FLVCR1: variants seen among roughly 807,000 people sequenced by gnomAD.
FLVCR1 encodes the protein choline/ethanolamine transporter FLVCR1.
FLVCR1 carries 34 observed loss-of-function variants against 53.6 expected under a neutral mutation model. The ratio of observed to expected loss-of-function variants is 0.63; its 90% CI spans 0.48 to 0.84. The LOEUF (loss-of-function observed/expected upper bound fraction) is 0.84. Ranked by LOEUF, FLVCR1 falls within the 40% of genes least tolerant of loss-of-function variation. FLVCR1 has a pLI of 0.00. For missense variants in FLVCR1, 677 were observed against 696.7 expected (o/e 0.97, Z 0.32); for synonymous variants, 300 against 286.3 (o/e 1.05, Z -0.48).
At chr1:212,879,974 AT>A (rs34468539) in intron 3 of FLVCR1, among the ~76,000 whole-genome samples, 70,145 of 148,864 alleles carry the variant, frequency 0.47, 17,356 homozygotes, top group East Asian at 0.56. Context: ...ATAACATAGT[AT>A]TTTTTTTTTT....
rs41301007 is a variant in FLVCR1 at position 212,890,618 on chromosome 1, G to A, written c.1525+1361G>A. On this transcript the variant is annotated intron_variant, in intron 8 of 9. Coordinates refer to ENST00000366971, the MANE Select transcript of FLVCR1 (RefSeq NM_014053.4). The stretch of plus-strand genomic sequence containing the variant: ...TTTCATATAAAGGCCTTGAGCATTC[G>A]TGGATTTTGGTATCTGAGGTGGGGT... Among the ~76,000 whole-genome samples the A allele has an allele frequency of 3.9e-3, 594 of 152,256 alleles. 9 individuals are homozygous for A. Among genetic ancestry groups the A allele is most frequent in the African/African-American group, 0.014 (568 of 41,552 alleles).
At chr1:212,877,795 T>C (rs912786874) in intron 3 of FLVCR1, among the ~76,000 whole-genome samples, 1 of 151,036 alleles carries the variant, frequency 6.6e-6, no homozygotes, top group African/African-American at 2.4e-5. Context: ...ATAGCAAATA[T>C]TATACTAAAG....
chr1:212,885,430 C>A, intron 5 of FLVCR1, 34 bp downstream of exon 5: 9 of 1,464,014 alleles, frequency 6.1e-6, no homozygotes, highest in Non-Finnish European at 8.6e-6. Context: ...TGGTGTATAA[C>A]CAAAGGTATT....
At chr1:212,871,527 T>G (rs573466382) in intron 2 of FLVCR1, among the ~76,000 whole-genome samples, 1 of 152,220 alleles carries the variant, frequency 6.6e-6, no homozygotes, top group Non-Finnish European at 1.5e-5. Flanking sequence ...AGCGATCCTC[T>G]CGCTTCAGCC....
At chr1:212,866,585 A>C (rs577007578) in intron 2 of FLVCR1, among the ~76,000 whole-genome samples, 152 of 152,226 alleles carry the variant, frequency 1.0e-3, no homozygotes, top group African/African-American at 3.3e-3. Flanking sequence ...GTGTATGTTT[A>C]AACTGCTACA....
At chr1:212,886,814 A>T (rs1665077798) in intron 5 of FLVCR1, among the ~76,000 whole-genome samples, 1 of 152,152 alleles carries the variant, frequency 6.6e-6, no homozygotes, top group Non-Finnish European at 1.5e-5. Context: ...AAAATAAAAA[A>T]AAAAGAATAT....
intron 8 of FLVCR1, among the ~76,000 whole-genome samples, chr1:212,892,702 G>A (rs1439484050): frequency 6.6e-6 from 1 of 152,122 alleles, no homozygotes; most frequent in Non-Finnish European, 1.5e-5. Context: ...CAACTTTCAA[G>A]TCTTATTCTT....
At chr1:212,875,796 G>A (rs1319074964) in intron 3 of FLVCR1, among the ~76,000 whole-genome samples, 4 of 151,024 alleles carry the variant, frequency 2.6e-5, no homozygotes, top group African/African-American at 7.3e-5. Flanking sequence ...AGCTGAGATC[G>A]TGCCACTGCA....
intron 2 of FLVCR1, chr1:212,864,343 A>G (rs41258005): frequency 0.023 from 4,488 of 197,710 alleles, 84 homozygotes; most frequent in South Asian, 0.036. Context: ...CCTGGGCAGC[A>G]GCAAGCTGTT....
Position 212,895,220 on chromosome 1 carries a change from C to T in FLVCR1, c.1598C>T (p.Pro533Leu). The change falls in exon 10 of 10, where the codon CCA becomes CTA. Residue 533 changes from proline (P) to leucine (L), a missense_variant. Physicochemically the swap from Pro to Leu is moderately conservative, Grantham distance 98. Transcript: ENST00000366971. ...GITNVDVKAI[P>L]ADSPTDQEPK... ...ATCTTCTGATTGTTTTTATAGATAC[C>T]AGCTGACAGTCCCACAGACCAAGAA... 1 of 1,609,432 alleles carries T rather than the reference C, an allele frequency of 6.2e-7. No homozygotes were observed. The highest frequency in any genetic ancestry group is 8.5e-7 in the Non-Finnish European group (1 of 1,176,068).
rs1665380555 is a variant in FLVCR1, at chr1:212,897,787, C to G, written c.*2497C>G. On this transcript the variant is annotated 3_prime_UTR_variant, in exon 10 of 10. Transcript: ENST00000366971. ...CTCACTCATTACTGCAAGGACAGCACCAAGCCATGAGGGATCCACCCGCAG... is the reference window on the plus strand; with the variant it reads ...CTCACTCATTACTGCAAGGACAGCAGCAAGCCATGAGGGATCCACCCGCAG... The G allele has an allele frequency of 6.6e-6, 1 of 152,154 alleles. No homozygotes were observed. Among genetic ancestry groups the G allele is most frequent in the Non-Finnish European group, 1.5e-5 (1 of 68,040 alleles). 9.4% of individuals were successfully genotyped at this position (152,154 alleles called of 1,614,324 possible). A position where few individuals can be genotyped will look rare whatever the true frequency, so the allele number is the denominator to read the frequency against.
intron 3 of FLVCR1, among the ~76,000 whole-genome samples, chr1:212,874,526 CTTTTTTTT>C (rs61497441): frequency 9.1e-5 from 11 of 120,874 alleles, no homozygotes; most frequent in African/African-American, 3.2e-4. Flanking sequence ...TTCTTTTTTT[CTTTTTTTT>C]TTTTTTTTTT....
In FLVCR1 at chr1:212,863,649, T is replaced by G; in HGVS notation, c.739-76T>G. ...CCTTTATAAACACTAGCTGTCCTCT[T>G]TATGTTCTGTTAATTGCCAGCATTT... On this transcript the variant is annotated intron_variant, in intron 1 of 9. Transcript: ENST00000366971. 7 of 1,296,316 alleles carry G rather than the reference T, an allele frequency of 5.4e-6. No individual in the cohort carries two copies. In the South Asian group the frequency reaches 8.3e-5, roughly 15 times the overall value. 80.3% of individuals were successfully genotyped at this position (1,296,316 alleles called of 1,614,324 possible).
At chr1:212,859,615 G>A (rs2102528678) in intron 1 of FLVCR1, among the ~76,000 whole-genome samples, 1 of 152,168 alleles carries the variant, frequency 6.6e-6, no homozygotes, top group African/African-American at 2.4e-5. Context: ...CAACTCAGGA[G>A]GCTGAGGCAG....
In FLVCR1 at chr1:212,898,244, T is replaced by C. The variant is rs930665650; in HGVS notation, c.*2954T>C. ...AGCCAGAGAAAAATTCCCTGGACAA[T>C]TGGATAAACAAATGTGATTGCTACC... On this transcript the variant is annotated 3_prime_UTR_variant, in exon 10 of 10. Coordinates refer to ENST00000366971, the MANE Select transcript of FLVCR1 (RefSeq NM_014053.4). The C allele has an allele frequency of 2.0e-5, 3 of 152,216 alleles. No homozygotes were observed. The highest frequency in any genetic ancestry group is 2.1e-4 in the South Asian group (1 of 4,830). 9.4% of individuals were successfully genotyped at this position (152,216 alleles called of 1,614,324 possible).
chr1:212,897,946 C>G lies in FLVCR1; in HGVS notation c.*2656C>G, dbSNP rs1340598083. 1 of 152,170 alleles carries G rather than the reference C, an allele frequency of 6.6e-6. No individual in the cohort carries two copies. Among genetic ancestry groups the G allele is most frequent in the Non-Finnish European group, 1.5e-5 (1 of 68,038 alleles). The allele number at this position is 152,170 out of a possible 1,614,324, so 9.4% of individuals were successfully genotyped here. On this transcript the variant is annotated 3_prime_UTR_variant, in exon 10 of 10. Transcript: ENST00000366971. ...ATATATATTGAAATTATAACATTCT[C>G]TATAATCAAGTGACTGTAAATTATG...
intron 2 of FLVCR1, among the ~76,000 whole-genome samples, chr1:212,871,390 A>G (rs1284156434): frequency 1.3e-5 from 2 of 152,020 alleles, no homozygotes; most frequent in Non-Finnish European, 2.9e-5. Context: ...CCTTCTGTAA[A>G]TAGTTTTTTG....
chr1:212,879,624 C>T (rs972723181), intron 3 of FLVCR1, among the ~76,000 whole-genome samples: 5 of 152,146 alleles, frequency 3.3e-5, no homozygotes, highest in African/African-American at 1.2e-4. Context: ...GGTGTGATCT[C>T]TGCTCACTGC....
intron 5 of FLVCR1, 54 bp downstream of exon 5, chr1:212,885,450 A>G (rs2102565783): frequency 1.4e-6 from 2 of 1,389,264 alleles, no homozygotes; most frequent in East Asian, 4.6e-5. Context: ...TTTGATTTTA[A>G]AGGACAATTT....
Sources: gnomAD v4.1 joint callset for allele counts (sites outside exome capture counted in the v4.1 genomes callset) on GRCh38, gnomAD v4.1.1 for gene constraint, MANE v1.5 for transcripts, NCBI Gene and HGNC (gene_info 2026-07-23, HGNC 2026-07-21) for gene names.